EFCAB13: variants seen among roughly 807,000 people sequenced by gnomAD.
EFCAB13 encodes the protein EF-hand calcium binding domain 13, also known as EF-hand calcium-binding domain-containing protein 13.
Under a neutral mutation model 110.2 loss-of-function variants are expected in EFCAB13, and 91 were observed. That is an observed-to-expected ratio of 0.83 (90% confidence interval 0.70 to 0.98). The LOEUF (loss-of-function observed/expected upper bound fraction) is 0.98. EFCAB13 is among the 50% of genes least tolerant of loss of function. The pLI is 0.00. For synonymous variants in EFCAB13, 323 were observed against 369.9 expected, an observed-to-expected ratio of 0.87 and a Z score of 1.45; for missense variants, 968 against 1,119.4, an observed-to-expected ratio of 0.86 and a Z score of 1.93.
At chr17:47,356,039 C>T (rs1330192290) in intron 9 of EFCAB13, among the ~76,000 whole-genome samples, 1 of 151,816 alleles carries the variant, frequency 6.6e-6, no homozygotes, top group African/African-American at 2.4e-5. Context: ...CCTTCATTTC[C>T]AGAAGTTATG....
chr17:47,397,621 G>A (rs1239478047), intron 17 of EFCAB13, among the ~76,000 whole-genome samples: 2 of 151,082 alleles, frequency 1.3e-5, no homozygotes, highest in East Asian at 2.0e-4. Flanking sequence ...GTCTCTGCCC[G>A]GCCGCCCATC....
rs759570055 is a variant in EFCAB13, at chr17:47,394,059, T to C, written c.1761T>C (p.Asp587=). 7.1e-6 allele frequency: 11 copies of C among 1,553,656 alleles called. No individual in the cohort carries two copies. The South Asian group carries it at 1.3e-4, about 18-fold the overall frequency. ...TKKVNFKEFI[D]TMMSNTECFS... is the part of the protein sequence containing the mutation. ...AAGTGAATTTTAAAGAATTCATTGA[T>C]ACTATGATGAGCAACACGGAATGCT... Residue 587 remains aspartate, a synonymous_variant, in exon 16 of 25, where the codon GAT becomes GAC. Transcript: ENST00000331493.
At position 47,370,454 on chromosome 17, in the gene EFCAB13, A is replaced by G. The variant is rs778962157; in HGVS notation, c.823A>G (p.Ile275Val). ...TATTACAGGTAACCACATGGTGGATATTGGGGATATTATATTTACTTTGAA... is the reference window on the plus strand; with the variant it reads ...TATTACAGGTAACCACATGGTGGATGTTGGGGATATTATATTTACTTTGAA... ...TYIDSNHMVD[I>V]GDIIFTLNEL... is the part of the protein sequence containing the mutation. Residue 275 changes from isoleucine to valine, a missense_variant, in exon 11 of 25, where the codon ATT becomes GTT. By Grantham distance (29) the Ile-to-Val change is conservative. Coordinates refer to ENST00000331493, the MANE Select transcript of EFCAB13 (RefSeq NM_152347.5). 1.2e-6 allele frequency: 2 copies of G among 1,601,192 alleles called. No homozygotes were observed. Among genetic ancestry groups the G allele is most frequent in the African/African-American group, 2.7e-5 (2 of 74,680 alleles).
intron 18 of EFCAB13, 146 bp from the exon 19 acceptor site, chr17:47,403,732 C>A: frequency 1.6e-6 from 1 of 607,824 alleles, no homozygotes; most frequent in South Asian, 4.8e-5. Flanking sequence ...GTGCTGCTGG[C>A]CATAGAATTC....
intron 14 of EFCAB13, among the ~76,000 whole-genome samples, chr17:47,379,952 T>C (rs1334085461): frequency 1.3e-5 from 2 of 152,228 alleles, no homozygotes; most frequent in African/African-American, 4.8e-5. Flanking sequence ...AAGAGACTTA[T>C]GTTAAAAGCT....
chr17:47,420,497 G>T, intron 23 of EFCAB13, among the ~76,000 whole-genome samples: 1 of 152,048 alleles, frequency 6.6e-6, no homozygotes, highest in East Asian at 1.9e-4. Flanking sequence ...CATCTAGGAA[G>T]TGAGGAGCGC....
intron 14 of EFCAB13, among the ~76,000 whole-genome samples, chr17:47,386,072 T>TG (rs1002394307): frequency 1.3e-5 from 2 of 152,158 alleles, no homozygotes; most frequent in African/African-American, 4.8e-5. Flanking sequence ...CAATCGCTGT[T>TG]GGGAGGTCTC....
intron 4 of EFCAB13, among the ~76,000 whole-genome samples, chr17:47,329,296 G>A (rs531236706): frequency 3.9e-5 from 6 of 152,126 alleles, no homozygotes; most frequent in African/African-American, 1.4e-4. Flanking sequence ...CAAAAGGGTG[G>A]GGGGATTCCT....
chr17:47,423,614 C>T (rs1014116458), intron 23 of EFCAB13: 3 of 355,244 alleles, frequency 8.4e-6, no homozygotes, highest in South Asian at 1.5e-4. Flanking sequence ...CCGCCGCGCG[C>T]CCCGGTCCAT....
At position 47,402,169 on chromosome 17, in the gene EFCAB13, A is replaced by G. The variant is rs1211792668; in HGVS notation, c.1983A>G (p.Val661=). The G allele has an allele frequency of 1.9e-6, 3 of 1,613,866 alleles. No individual in the cohort carries two copies. Among genetic ancestry groups the G allele is most frequent in the Non-Finnish European group, 2.5e-6 (3 of 1,179,928 alleles). The change falls in exon 18 of 25, where the codon GTA becomes GTG. Residue 661 remains valine (V), a synonymous_variant. Transcript: ENST00000331493. The part of the protein sequence containing the change: ...DKVQFEEFAK[V]VRNMRDAARL... ...TACAATTTGAAGAATTTGCAAAAGT[A>G]GTAAGGAATATGCGTGATGCTGCCA...
At chr17:47,421,094 C>G (rs1181236103) in intron 23 of EFCAB13, among the ~76,000 whole-genome samples, 6 of 151,816 alleles carry the variant, frequency 4.0e-5, no homozygotes, top group Admixed American at 1.3e-4. Flanking sequence ...GCCGCGCCTA[C>G]TGGGAAGTGA....
At chr17:47,355,793 G>A (rs956688305) in intron 9 of EFCAB13, among the ~76,000 whole-genome samples, 1 of 151,838 alleles carries the variant, frequency 6.6e-6, no homozygotes, top group Non-Finnish European at 1.5e-5. Flanking sequence ...GGATGGCCTC[G>A]ATTGCTTGAC....
At chr17:47,342,985 CCT>C (rs1188996547) in intron 6 of EFCAB13, among the ~76,000 whole-genome samples, 12 of 151,834 alleles carry the variant, frequency 7.9e-5, no homozygotes, top group African/African-American at 2.9e-4. Flanking sequence ...TAAAATATGC[CCT>C]GTGTCATGTT....
chr17:47,392,687 T>C (rs1297599121), intron 15 of EFCAB13, among the ~76,000 whole-genome samples: 1 of 152,180 alleles, frequency 6.6e-6, no homozygotes, highest in Non-Finnish European at 1.5e-5. Context: ...AAATTACTTA[T>C]TCAAATGGAA....
rs370055926 is a variant in EFCAB13 at position 47,386,078 on chromosome 17, G to A, written c.1583-5359G>A. On this transcript the variant is annotated intron_variant, in intron 14 of 24. Transcript: ENST00000331493. ...GGTGTCTGACAATCGCTGTTGGGAG[G>A]TCTCTCCCCATCAGGAGGTATGGAG... is the stretch of plus-strand genomic sequence containing the variant. Among the ~76,000 whole-genome samples the A allele has an allele frequency of 1.9e-4, 29 of 152,168 alleles. 1 individual carries two copies. Among genetic ancestry groups the A allele is most frequent in the African/African-American group, 6.0e-4 (25 of 41,454 alleles).
chr17:47,411,352 C>A (rs1020516507), intron 21 of EFCAB13, among the ~76,000 whole-genome samples: 1 of 152,158 alleles, frequency 6.6e-6, no homozygotes, highest in African/African-American at 2.4e-5. Context: ...CCCTGACAGA[C>A]AAACTGACAT....
intron 8 of EFCAB13, among the ~76,000 whole-genome samples, chr17:47,347,083 A>AT (rs1253167318): frequency 6.6e-6 from 1 of 152,160 alleles, no homozygotes; most frequent in African/African-American, 2.4e-5. Context: ...ATATAGTGAG[A>AT]TCCCATCTCT....
At chr17:47,328,498 C>A (rs1380543564) in intron 4 of EFCAB13, 115 bp downstream of exon 4, 16 of 798,842 alleles carry the variant, frequency 2.0e-5, no homozygotes, top group Admixed American at 5.8e-5. Flanking sequence ...TTATAAGGAA[C>A]CTGGCCAAGT....
chr17:47,363,948 C>G (rs143335741), intron 10 of EFCAB13, among the ~76,000 whole-genome samples: 1 of 152,068 alleles, frequency 6.6e-6, no homozygotes, highest in African/African-American at 2.4e-5. Context: ...ATTTTAAAGA[C>G]TATTCTTAAG....
Sources: allele counts gnomAD v4.1 joint callset (sites outside exome capture counted in the v4.1 genomes callset), GRCh38; gene constraint gnomAD v4.1.1; transcripts MANE v1.5; gene names NCBI Gene and HGNC (gene_info 2026-07-23, HGNC 2026-07-21).